BMPR1B: variants seen among roughly 807,000 people sequenced by gnomAD.
The protein encoded by BMPR1B is bone morphogenetic protein receptor type 1B, also known as bone morphogenetic protein receptor type-1B.
Under a neutral mutation model 59.1 loss-of-function variants are expected in BMPR1B, and 12 were observed. The ratio of observed to expected loss-of-function variants is 0.20; its 90% CI spans 0.13 to 0.33. BMPR1B has a LOEUF of 0.33. BMPR1B is among the 10% of genes least tolerant of loss of function. The pLI, the probability that BMPR1B is intolerant of heterozygous loss-of-function variation, is 1.00. For missense variants in BMPR1B, 550 were observed against 610.9 expected (o/e 0.90, Z 1.05); for synonymous variants, 237 against 207.3 (o/e 1.14, Z -1.23).
At chr4:95,124,129 T>C (rs1192921297) in intron 7 of BMPR1B, among the ~76,000 whole-genome samples, 1 of 152,050 alleles carries the variant, frequency 6.6e-6, no homozygotes, top group Non-Finnish European at 1.5e-5. Context: ...ACTACCCATA[T>C]AAATATTTTA....
At chr4:94,779,326 A>G (rs1269246188) in intron 1 of BMPR1B, among the ~76,000 whole-genome samples, 1 of 152,126 alleles carries the variant, frequency 6.6e-6, no homozygotes, top group Non-Finnish European at 1.5e-5. Flanking sequence ...TTCTCTACAC[A>G]CATATGAGGG....
chr4:94,796,230 G>A (rs999668307), intron 1 of BMPR1B, among the ~76,000 whole-genome samples: 20 of 152,196 alleles, frequency 1.3e-4, no homozygotes, highest in Non-Finnish European at 2.4e-4. Flanking sequence ...CTCCCAAAAT[G>A]CTGGGATTAC....
rs192398793 is a variant in BMPR1B at position 94,831,426 on chromosome 4, C to T, written c.-182-44405C>T. Among the ~76,000 whole-genome samples, 445 of 152,104 alleles carry T rather than the reference C, an allele frequency of 2.9e-3. 1 individual carries two copies. Among genetic ancestry groups the T allele is most frequent in the African/African-American group, 9.8e-3 (405 of 41,510 alleles). On this transcript the variant is annotated intron_variant, in intron 1 of 12. Transcript: ENST00000515059. ...AATTATTAAAGAAAAATATTTATAA[C>T]ATAGATTAGTTAAACCTAAGTATAC...
intron 1 of BMPR1B, among the ~76,000 whole-genome samples, chr4:94,822,355 C>G (rs1444298980): frequency 1.3e-5 from 2 of 152,174 alleles, no homozygotes; most frequent in African/African-American, 4.8e-5. Flanking sequence ...TTAACTTAGA[C>G]CATGAGCCCC....
At chr4:95,120,129 C>A (rs1004258458) in intron 6 of BMPR1B, among the ~76,000 whole-genome samples, 2 of 152,164 alleles carry the variant, frequency 1.3e-5, no homozygotes, top group African/African-American at 4.8e-5. Context: ...ATTTAGTTTT[C>A]TGTTCCTTCA....
At chr4:94,776,300 A>T (rs955894021) in intron 1 of BMPR1B, among the ~76,000 whole-genome samples, 7 of 152,220 alleles carry the variant, frequency 4.6e-5, no homozygotes, top group Admixed American at 3.3e-4. Flanking sequence ...ATTTGATCAA[A>T]GAACAGTAAA....
chr4:94,990,127 G>A (rs1025854850), intron 2 of BMPR1B, among the ~76,000 whole-genome samples: 2 of 152,194 alleles, frequency 1.3e-5, no homozygotes, highest in African/African-American at 4.8e-5. Flanking sequence ...GGAGGCCAAG[G>A]TGGGTGGATC....
chr4:94,982,760 A>T (rs1295830137), intron 2 of BMPR1B, among the ~76,000 whole-genome samples: 1 of 152,094 alleles, frequency 6.6e-6, no homozygotes, highest in Non-Finnish European at 1.5e-5. Flanking sequence ...TGGGAGGCTG[A>T]GGCGGGCGGA....
chr4:95,107,881 A>G (rs1297834459), intron 4 of BMPR1B, among the ~76,000 whole-genome samples: 2 of 152,066 alleles, frequency 1.3e-5, no homozygotes, highest in Admixed American at 1.3e-4. Flanking sequence ...AGCTGAGATC[A>G]GTCATATGTG....
At chr4:94,925,567 T>A (rs567698619) in intron 2 of BMPR1B, among the ~76,000 whole-genome samples, 8 of 152,278 alleles carry the variant, frequency 5.3e-5, no homozygotes, top group South Asian at 2.1e-4. Flanking sequence ...TTTGTGAATT[T>A]CACAGATGAG....
intron 3 of BMPR1B, among the ~76,000 whole-genome samples, chr4:95,047,897 C>T (rs1726162507): frequency 6.6e-6 from 1 of 152,044 alleles, no homozygotes; most frequent in Admixed American, 6.6e-5. Context: ...ATCCAGTCAC[C>T]CTGGTAGTGA....
chr4:95,071,652 G>GTATATATATATATATATATATATA (rs58148216), intron 3 of BMPR1B, among the ~76,000 whole-genome samples: 10 of 84,318 alleles, frequency 1.2e-4, no homozygotes, highest in Admixed American at 7.1e-4. Context: ...GTGTGTGTGT[G>GTATATATATATATATATATATATA]TATATATATA....
At chr4:94,976,773 T>C (rs1268644341) in intron 2 of BMPR1B, among the ~76,000 whole-genome samples, 1 of 152,020 alleles carries the variant, frequency 6.6e-6, no homozygotes. Context: ...AGGGGGAAAA[T>C]GAGAGGCTGT....
intron 2 of BMPR1B, among the ~76,000 whole-genome samples, chr4:94,978,210 C>T (rs892457452): frequency 6.6e-6 from 1 of 152,184 alleles, no homozygotes; most frequent in Non-Finnish European, 1.5e-5. Context: ...TTATCTACTG[C>T]TTTTTAACAA....
intron 2 of BMPR1B, among the ~76,000 whole-genome samples, chr4:94,898,767 C>T (rs1727685855): frequency 6.6e-6 from 1 of 151,964 alleles, no homozygotes; most frequent in Non-Finnish European, 1.5e-5. Flanking sequence ...TCAGACTCTC[C>T]AGCACACTAA....
intron 1 of BMPR1B, among the ~76,000 whole-genome samples, chr4:94,759,253 T>C (rs986767227): frequency 9.2e-5 from 14 of 152,144 alleles, no homozygotes; most frequent in African/African-American, 3.4e-4. Context: ...AAGGTGCCAG[T>C]GAAAGACAAC....
chr4:94,818,982 A>T lies in BMPR1B; in HGVS notation c.-182-56849A>T, dbSNP rs575468702. Among the ~76,000 whole-genome samples the T allele has an allele frequency of 4.7e-4, 72 of 152,078 alleles. 1 individual carries two copies. The Middle Eastern group carries it at 0.031, about 65-fold the overall frequency. ...TCCCAACTCTAGAAAAAAAATTTTT[A>T]AAAATTAATTGGGTGTGGTGGCATG... On this transcript the variant is annotated intron_variant, in intron 1 of 12. Coordinates refer to ENST00000515059, the MANE Select transcript of BMPR1B (RefSeq NM_001203.3).
At chr4:95,123,707 T>C (rs1198237548) in intron 6 of BMPR1B, 103 bp from the exon 7 acceptor site, 1 of 892,322 alleles carries the variant, frequency 1.1e-6, no homozygotes, top group Non-Finnish European at 1.8e-6. Context: ...ATCTTTCACA[T>C]TTTGTGCGTG....
intron 3 of BMPR1B, among the ~76,000 whole-genome samples, chr4:95,075,955 G>A (rs1263855263): frequency 1.3e-5 from 2 of 152,088 alleles, no homozygotes; most frequent in African/African-American, 4.8e-5. Flanking sequence ...AGTGCAAAGA[G>A]AGAAAGAAGA....
Sources: gnomAD v4.1 joint callset for allele counts (sites outside exome capture counted in the v4.1 genomes callset) on GRCh38, gnomAD v4.1.1 for gene constraint, MANE v1.5 for transcripts, NCBI Gene and HGNC (gene_info 2026-07-23, HGNC 2026-07-21) for gene names.